The following SEMA3E variants were observed in gnomAD, a reference collection of about 807,000 sequenced individuals.
The protein encoded by SEMA3E is semaphorin 3E.
SEMA3E carries 49 observed loss-of-function variants against 93.6 expected under a neutral mutation model. The observed-to-expected ratio is 0.52, with a 90% CI of 0.42 to 0.66. The LOEUF is 0.66. Ranked by LOEUF, SEMA3E falls within the 30% of genes least tolerant of loss-of-function variation. The probability of loss-of-function intolerance (pLI) is 0.00; values close to 1 mark genes in which losing one functional copy is unlikely to be tolerated. For missense variants in SEMA3E, 906 were observed against 964.8 expected, an observed-to-expected ratio of 0.94 and a Z score of 0.81; for synonymous variants, 363 against 330.7, an observed-to-expected ratio of 1.10 and a Z score of -1.06.
At chr7:83,416,202 T>G (rs535520725) in intron 5 of SEMA3E, among the ~76,000 whole-genome samples, 1 of 152,248 alleles carries the variant, frequency 6.6e-6, no homozygotes, top group South Asian at 2.1e-4. Context: ...GAATTATATT[T>G]TTATTTCTTC....
At chr7:83,500,173 C>T (rs187263138) in intron 1 of SEMA3E, among the ~76,000 whole-genome samples, 343 of 152,308 alleles carry the variant, frequency 2.3e-3, no homozygotes, top group African/African-American at 7.8e-3. Flanking sequence ...CGTGGCGGCT[C>T]GCACCTGTAA....
chr7:83,407,376 AT>A, intron 6 of SEMA3E, 137 bp from the exon 7 acceptor site: 2 of 803,402 alleles, frequency 2.5e-6, no homozygotes, highest in East Asian at 2.7e-5. Flanking sequence ...TTTTTCTTGA[AT>A]TTTTTTACCA....
intron 1 of SEMA3E, among the ~76,000 whole-genome samples, chr7:83,555,138 A>G (rs940533143): frequency 4.6e-5 from 7 of 152,148 alleles, no homozygotes; most frequent in Non-Finnish European, 1.0e-4. Context: ...TTTTCTTACT[A>G]TTATTTATTG....
At chr7:83,498,299 T>A (rs1790531592) in intron 1 of SEMA3E, among the ~76,000 whole-genome samples, 1 of 152,186 alleles carries the variant, frequency 6.6e-6, no homozygotes, top group Non-Finnish European at 1.5e-5. Context: ...CCCAAGTTGT[T>A]CAAGCATCAG....
At chr7:83,581,578 A>C (rs752357638) in intron 1 of SEMA3E, among the ~76,000 whole-genome samples, 1 of 152,042 alleles carries the variant, frequency 6.6e-6, no homozygotes, top group Non-Finnish European at 1.5e-5. Context: ...TTTCCAATTT[A>C]ATAAATTGAA....
chr7:83,393,876 T>C (rs1391774230), intron 13 of SEMA3E, among the ~76,000 whole-genome samples: 3 of 152,158 alleles, frequency 2.0e-5, no homozygotes, highest in African/African-American at 7.2e-5. Context: ...TGAAAAACAT[T>C]AGTGAAAAAT....
chr7:83,500,209 G>A (rs1265407272), intron 1 of SEMA3E, among the ~76,000 whole-genome samples: 3 of 152,164 alleles, frequency 2.0e-5, no homozygotes, highest in East Asian at 1.9e-4. Flanking sequence ...AGGCCAAGGC[G>A]GGTGGATCAC....
At chr7:83,439,646 T>C (rs943655096) in intron 4 of SEMA3E, among the ~76,000 whole-genome samples, 1 of 152,240 alleles carries the variant, frequency 6.6e-6, no homozygotes, top group Non-Finnish European at 1.5e-5. Context: ...CCTGTTCTAA[T>C]CAGTTACATA....
At chr7:83,387,140 T>C (rs1450045602) in intron 14 of SEMA3E, 90 bp from the exon 15 acceptor site, 3 of 1,008,570 alleles carry the variant, frequency 3.0e-6, no homozygotes, top group African/African-American at 1.6e-5. Flanking sequence ...ACAAGTAGTA[T>C]TCTGCTACTG....
chr7:83,630,502 C>T (rs1793764589), intron 1 of SEMA3E, among the ~76,000 whole-genome samples: 1 of 152,136 alleles, frequency 6.6e-6, no homozygotes, highest in South Asian at 2.1e-4. Context: ...CCAAAGATAT[C>T]TGACAGGGTA....
intron 1 of SEMA3E, among the ~76,000 whole-genome samples, chr7:83,530,231 G>T (rs1251062009): frequency 6.6e-6 from 1 of 152,010 alleles, no homozygotes; most frequent in Non-Finnish European, 1.5e-5. Context: ...CTGTGAGTAG[G>T]TAATATGATT....
chr7:83,594,028 C>A (rs535521907), intron 1 of SEMA3E, among the ~76,000 whole-genome samples: 2 of 152,128 alleles, frequency 1.3e-5, no homozygotes, highest in South Asian at 4.1e-4. Context: ...GGTACATGAA[C>A]CAGCTCTGTA....
chr7:83,634,169 C>T (rs948117015), intron 1 of SEMA3E, among the ~76,000 whole-genome samples: 13 of 152,022 alleles, frequency 8.6e-5, no homozygotes, highest in African/African-American at 1.4e-4. Context: ...GTGTCTAATA[C>T]GCATAATATT....
At chr7:83,383,729 G>A (rs1158769966) in intron 16 of SEMA3E, among the ~76,000 whole-genome samples, 1 of 151,940 alleles carries the variant, frequency 6.6e-6, no homozygotes, top group Non-Finnish European at 1.5e-5. Flanking sequence ...GATTCAGCAT[G>A]TCAAATGATT....
chr7:83,400,092 T>C lies in SEMA3E; in HGVS notation c.1302A>G (p.Lys434=). Residue 434 remains lysine (K), a synonymous_variant, in exon 11 of 17, where the codon AAA becomes AAG. Transcript: ENST00000643230. The part of the protein sequence containing the change: ...LVKTDGKYNL[K]QIAVDRVEAE... ...CTTCCACTCGATCTACTGCTATTTG[T>C]TTCAGGTTATATTTTCCATCTGTTT... 6.2e-7 allele frequency: 1 copy of C among 1,614,084 alleles called. No homozygotes were observed. Among genetic ancestry groups the C allele is most frequent in the Non-Finnish European group, 8.5e-7 (1 of 1,179,970 alleles).
intron 1 of SEMA3E, among the ~76,000 whole-genome samples, chr7:83,601,535 AT>A (rs1584357130): frequency 6.6e-6 from 1 of 151,826 alleles, no homozygotes; most frequent in Middle Eastern, 3.4e-3. Flanking sequence ...ATATAAGCTA[AT>A]TTTTTTGGCT....
rs537014340 is a variant in SEMA3E, at chr7:83,557,069, G to A, written c.116-66795C>T. On this transcript the variant is annotated intron_variant, in intron 1 of 16. Coordinates refer to ENST00000643230, the MANE Select transcript of SEMA3E (RefSeq NM_012431.3). ...CAGTCTCAGGTATTTTGTTATAGCAGCATAAACCAATTAAGACATTTACAG... is the reference window on the plus strand; with the variant it reads ...CAGTCTCAGGTATTTTGTTATAGCAACATAAACCAATTAAGACATTTACAG... 1.2e-4 allele frequency among the ~76,000 whole-genome samples: 18 copies of A among 152,158 alleles called. No individual in the cohort carries two copies. In the East Asian group the frequency reaches 3.3e-3, roughly 28 times the overall value.
At chr7:83,385,149 A>T (rs946448947) in intron 16 of SEMA3E, 145 bp downstream of exon 16, 1 of 669,450 alleles carries the variant, frequency 1.5e-6, no homozygotes, top group Non-Finnish European at 2.5e-6. Flanking sequence ...TATAAATCAC[A>T]CATAACAAAT....
At chr7:83,387,967 G>A (rs377037153) in intron 14 of SEMA3E, among the ~76,000 whole-genome samples, 1 of 145,670 alleles carries the variant, frequency 6.9e-6, no homozygotes, top group South Asian at 2.1e-4. Flanking sequence ...ATATGTATAT[G>A]TAATTCAAGA....
Sources: gnomAD v4.1 joint callset for allele counts (sites outside exome capture counted in the v4.1 genomes callset) on GRCh38, gnomAD v4.1.1 for gene constraint, MANE v1.5 for transcripts, NCBI Gene and HGNC (gene_info 2026-07-23, HGNC 2026-07-21) for gene names.